The following ANKS1B variants were observed in gnomAD, a reference collection of about 807,000 sequenced individuals.
The protein encoded by ANKS1B is ankyrin repeat and sterile alpha motif domain containing 1B.
Under a neutral mutation model 148.3 loss-of-function variants are expected in ANKS1B, and 36 were observed. That is an observed-to-expected ratio of 0.24 (90% CI 0.19 to 0.32). The LOEUF is 0.32. Among genes scored for constraint, ANKS1B ranks in the 10% least tolerant of loss-of-function variants. The pLI is 1.00. For missense variants in ANKS1B, 1,157 were observed against 1,542.6 expected (o/e 0.75, Z 4.19); for synonymous variants, 542 against 560.8 (o/e 0.97, Z 0.47).
chr12:99,449,829 T>C (rs538471336), intron 10 of ANKS1B, among the ~76,000 whole-genome samples: 49 of 152,306 alleles, frequency 3.2e-4, no homozygotes, highest in Admixed American at 1.8e-3. Flanking sequence ...AAATAGCAGA[T>C]GATCCTTTGA....
intron 1 of ANKS1B, among the ~76,000 whole-genome samples, chr12:99,975,492 G>A (rs560847476): frequency 3.3e-5 from 5 of 152,186 alleles, no homozygotes; most frequent in South Asian, 4.2e-4. Flanking sequence ...ATTGTCTTTC[G>A]ACTTTTAAAT....
chr12:99,708,815 C>T (rs1414927832), intron 8 of ANKS1B, among the ~76,000 whole-genome samples: 1 of 152,082 alleles, frequency 6.6e-6, no homozygotes, highest in Non-Finnish European at 1.5e-5. Context: ...TAAAAGGTAA[C>T]ATTCACAGTT....
intron 17 of ANKS1B, among the ~76,000 whole-genome samples, chr12:98,936,667 C>G (rs2099819023): frequency 6.6e-6 from 1 of 151,908 alleles, no homozygotes; most frequent in Admixed American, 6.6e-5. Flanking sequence ...CATAATAGCT[C>G]TCTGTTAACT....
intron 12 of ANKS1B, among the ~76,000 whole-genome samples, chr12:99,302,006 T>C (rs1012605936): frequency 1.3e-5 from 2 of 151,962 alleles, no homozygotes; most frequent in African/African-American, 4.8e-5. Context: ...GTGTGTACAG[T>C]AGAAGGTTTT....
At chr12:99,060,853 A>C (rs1031000483) in intron 16 of ANKS1B, among the ~76,000 whole-genome samples, 7 of 152,160 alleles carry the variant, frequency 4.6e-5, no homozygotes, top group Non-Finnish European at 1.0e-4. Context: ...ACAGGTAAAA[A>C]AAATAAAAAG....
At chr12:99,355,918 T>C (rs2091930338) in intron 12 of ANKS1B, among the ~76,000 whole-genome samples, 1 of 151,952 alleles carries the variant, frequency 6.6e-6, no homozygotes, top group Non-Finnish European at 1.5e-5. Context: ...CTTTTCTCAG[T>C]GAAGAGAAAA....
Position 99,846,520 on chromosome 12 carries a change from C to A in ANKS1B, c.135-21131G>T, listed in dbSNP as rs572987639. ...GATAAAACAAGGTAGAATTTTAATG[C>A]TATAGTGTTACTATTTCCTCTTTTA... On this transcript the variant is annotated intron_variant, in intron 1 of 26. Coordinates refer to ENST00000683438, the MANE Select transcript of ANKS1B (RefSeq NM_001352186.2). 2.6e-5 allele frequency among the ~76,000 whole-genome samples: 4 copies of A among 152,224 alleles called. No individual in the cohort carries two copies. The South Asian group carries it at 8.3e-4, about 32-fold the overall frequency.
intron 9 of ANKS1B, among the ~76,000 whole-genome samples, chr12:99,529,587 A>G (rs2096966468): frequency 6.7e-6 from 1 of 149,258 alleles, no homozygotes; most frequent in African/African-American, 2.6e-5. Context: ...TGGGAGGCAG[A>G]GGTTGCAGTG....
intron 12 of ANKS1B, among the ~76,000 whole-genome samples, chr12:99,283,627 C>A (rs894205601): frequency 1.3e-5 from 2 of 152,202 alleles, no homozygotes; most frequent in African/African-American, 4.8e-5. Context: ...TATGGAAGAA[C>A]TATCTGTATA....
intron 19 of ANKS1B, among the ~76,000 whole-genome samples, chr12:98,810,037 T>C (rs1436908066): frequency 6.6e-6 from 1 of 152,202 alleles, no homozygotes; most frequent in Non-Finnish European, 1.5e-5. Flanking sequence ...CCACAAGGTT[T>C]TTCTTTTTCT....
At chr12:99,045,082 C>T (rs532144369) in intron 17 of ANKS1B, among the ~76,000 whole-genome samples, 23 of 152,236 alleles carry the variant, frequency 1.5e-4, no homozygotes, top group African/African-American at 5.1e-4. Flanking sequence ...AAGGGTCAAA[C>T]GGAAGCAGCT....
At chr12:98,992,325 G>C (rs2099927088) in intron 17 of ANKS1B, among the ~76,000 whole-genome samples, 1 of 152,066 alleles carries the variant, frequency 6.6e-6, no homozygotes, top group Non-Finnish European at 1.5e-5. Flanking sequence ...GATATGGTTT[G>C]GCTCTCTGTT....
intron 12 of ANKS1B, among the ~76,000 whole-genome samples, chr12:99,368,225 A>G (rs1223962210): frequency 6.6e-6 from 1 of 152,110 alleles, no homozygotes; most frequent in Admixed American, 6.5e-5. Flanking sequence ...CGAGACTACT[A>G]GAGGAGGAGG....
chr12:99,164,636 C>T (rs1777738322), intron 14 of ANKS1B, among the ~76,000 whole-genome samples: 1 of 152,038 alleles, frequency 6.6e-6, no homozygotes, highest in Non-Finnish European at 1.5e-5. Context: ...ATCCTTCATA[C>T]TCCAGTAAAA....
At chr12:99,287,199 G>A (rs2079252619) in intron 12 of ANKS1B, among the ~76,000 whole-genome samples, 1 of 152,160 alleles carries the variant, frequency 6.6e-6, no homozygotes, top group Admixed American at 6.5e-5. Flanking sequence ...AGGGAGCCCA[G>A]CATGCAGAGA....
intron 12 of ANKS1B, among the ~76,000 whole-genome samples, chr12:99,329,147 G>C (rs1012916668): frequency 2.0e-5 from 3 of 151,914 alleles, no homozygotes; most frequent in Non-Finnish European, 4.4e-5. Context: ...CTGAAAAAAG[G>C]TTTGGGGTAT....
chr12:99,659,025 A>G (rs2098463422), intron 8 of ANKS1B, among the ~76,000 whole-genome samples: 1 of 152,198 alleles, frequency 6.6e-6, no homozygotes, highest in Non-Finnish European at 1.5e-5. Context: ...GACTACCTAG[A>G]AAATTTTACT....
chr12:99,379,860 TATTATA>T (rs1395840182), intron 12 of ANKS1B, among the ~76,000 whole-genome samples: 4 of 152,244 alleles, frequency 2.6e-5, no homozygotes, highest in African/African-American at 9.6e-5. Flanking sequence ...AATTAGTGAA[TATTATA>T]ATTATGTGTT....
At chr12:98,824,248 T>C (rs1594789604) in intron 19 of ANKS1B, among the ~76,000 whole-genome samples, 1 of 152,250 alleles carries the variant, frequency 6.6e-6, no homozygotes, top group Admixed American at 6.5e-5. Flanking sequence ...CATCGTGATA[T>C]ATGCTCCTTG....
Sources: allele counts gnomAD v4.1 joint callset (sites outside exome capture counted in the v4.1 genomes callset), GRCh38; gene constraint gnomAD v4.1.1; transcripts MANE v1.5; gene names NCBI Gene and HGNC (gene_info 2026-07-23, HGNC 2026-07-21).